Variants in MVB12A observed in about 807,000 individuals in gnomAD.
MVB12A encodes the protein multivesicular body subunit 12A.
In MVB12A, 30 loss-of-function variants were observed where a neutral mutation model predicts 34.3. That is an observed-to-expected ratio of 0.88 (90% CI 0.65 to 1.19). The LOEUF is 1.19. Ranked by LOEUF, MVB12A falls within the 50% of genes most tolerant of loss-of-function variation. MVB12A has a pLI of 0.00. For synonymous variants in MVB12A, 158 were observed against 158.9 expected (o/e 0.99, Z 0.04); for missense variants, 355 against 369.2 (o/e 0.96, Z 0.31).
intron 2 of MVB12A, among the ~76,000 whole-genome samples, chr19:17,413,675 A>T (rs2074782744): frequency 6.6e-6 from 1 of 152,154 alleles, no homozygotes; most frequent in South Asian, 2.1e-4. Flanking sequence ...GCATGACTGC[A>T]CACCTGCCTG....
intron 2 of MVB12A, among the ~76,000 whole-genome samples, chr19:17,412,936 G>A (rs1313986109): frequency 6.6e-6 from 1 of 152,070 alleles, no homozygotes; most frequent in Non-Finnish European, 1.5e-5. Flanking sequence ...GTGGACAAGG[G>A]GTCACATAGA....
chr19:17,410,202 G>C (rs905641115), intron 2 of MVB12A, among the ~76,000 whole-genome samples: 5 of 151,310 alleles, frequency 3.3e-5, no homozygotes, highest in African/African-American at 1.2e-4. Context: ...ACAGAATCTT[G>C]TCCTGTTGCC....
chr19:17,416,232 C>T (rs1289789068), upstream of MVB12A, among the ~76,000 whole-genome samples: 1 of 80,020 alleles, frequency 1.2e-5, no homozygotes, highest in Non-Finnish European at 2.1e-5. Context: ...CAGGCGCATG[C>T]CACTGAGTAG....
In MVB12A at chr19:17,420,324, C is replaced by T. The variant is rs762965710; in HGVS notation, c.102C>T (p.Thr34=). The change falls in exon 2 of 9, where the codon ACC becomes ACT. Residue 34 remains threonine (T), a synonymous_variant. Coordinates refer to ENST00000317040, the MANE Select transcript of MVB12A (RefSeq NM_138401.4). The stretch of plus-strand genomic sequence containing the variant: ...CGTCCTCCCGGTAGATCTCCTGCAC[C>T]GTCGAGGGGGCACCCGCCAGCTTTG... ...PPRGFSAISC[T]VEGAPASFGK... is the part of the protein sequence containing the mutation. 10 of 1,610,402 alleles carry T rather than the reference C, an allele frequency of 6.2e-6. No individual in the cohort carries two copies. The highest frequency in any genetic ancestry group is 5.5e-5 in the South Asian group (5 of 90,886).
intron 2 of MVB12A, among the ~76,000 whole-genome samples, chr19:17,410,518 A>ATATATATATG (rs1268773616): frequency 7.6e-5 from 9 of 118,326 alleles, no homozygotes; most frequent in Non-Finnish European, 1.4e-4. Context: ...ATATATATAT[A>ATATATATATG]TATATATATA....
At chr19:17,412,098 A>C (rs1267166976) in intron 2 of MVB12A, among the ~76,000 whole-genome samples, 1 of 152,216 alleles carries the variant, frequency 6.6e-6, no homozygotes, top group African/African-American at 2.4e-5. Flanking sequence ...GGCCCCCCAC[A>C]GTAAATGATC....
At chr19:17,420,440 A>G in intron 2 of MVB12A, 29 bp downstream of exon 2, 1 of 1,609,176 alleles carries the variant, frequency 6.2e-7, no homozygotes, top group Non-Finnish European at 8.5e-7. Flanking sequence ...CGGAACCACC[A>G]GGGTCTGCCC....
chr19:17,421,067 C>G (rs746163636), intron 3 of MVB12A: 4 of 462,262 alleles, frequency 8.7e-6, no homozygotes, highest in South Asian at 3.1e-5. Context: ...TACCCCTCCT[C>G]TTCTGGGCCC....
In MVB12A at chr19:17,423,687, C is replaced by T. The variant is rs1370410015; in HGVS notation, c.534-6C>T. 1 of 1,613,656 alleles carries T rather than the reference C, an allele frequency of 6.2e-7. No homozygotes were observed. Among genetic ancestry groups the T allele is most frequent in the African/African-American group, 1.3e-5 (1 of 74,926 alleles). On this transcript the variant is annotated splice_polypyrimidine_tract_variant and splice_region_variant and intron_variant, in intron 5 of 8. Transcript: ENST00000317040. ...TGAGGCTTAACCTGAGTCATCCCACCTCCAGTAAGGGCGGCCTCCTGGAGC... is the reference window on the plus strand; with the variant it reads ...TGAGGCTTAACCTGAGTCATCCCACTTCCAGTAAGGGCGGCCTCCTGGAGC...
At position 17,424,950 on chromosome 19, in the gene MVB12A, TGGA is replaced by T. The variant is rs745487953; in HGVS notation, c.781_783del (p.Glu261del). ...CCCCAGTATAACTACGGCTTCGTGG[TGGA>T]GAAGACCGCGGCTGCCCGCCTGCCC... On this transcript the variant is annotated inframe_deletion, in exon 9 of 9. Transcript: ENST00000317040. 3.7e-6 allele frequency: 6 copies of T among 1,609,996 alleles called. No homozygotes were observed. In the South Asian group the frequency reaches 5.5e-5, roughly 15 times the overall value.
chr19:17,416,573 G>C (rs2074801125), upstream of MVB12A, among the ~76,000 whole-genome samples: 1 of 151,798 alleles, frequency 6.6e-6, no homozygotes, highest in Admixed American at 6.6e-5. Flanking sequence ...CTGCCACCAA[G>C]CCTGGCTAAT....
chr19:17,411,863 C>T (rs547018219), intron 2 of MVB12A, among the ~76,000 whole-genome samples: 1 of 152,284 alleles, frequency 6.6e-6, no homozygotes, highest in South Asian at 2.1e-4. Context: ...CTGTTTATTA[C>T]ACTACATGCA....
chr19:17,424,849 A>G (rs4808637), intron 8 of MVB12A, 82 bp from the exon 9 acceptor site: 113,917 of 1,163,778 alleles, frequency 0.098, 6,936 homozygotes, highest in South Asian at 0.21. Context: ...CTAAGTACCC[A>G]CTCTGCCATT....
intron 8 of MVB12A, 51 bp from the exon 9 acceptor site, chr19:17,424,880 G>T (rs2074860759): frequency 1.4e-6 from 2 of 1,414,126 alleles, no homozygotes; most frequent in Non-Finnish European, 2.0e-6. Flanking sequence ...TCCCCCTTTG[G>T]CCCTCTCTTT....
intron 2 of MVB12A, among the ~76,000 whole-genome samples, chr19:17,410,529 TACACAC>T (rs1185077317): frequency 3.0e-4 from 22 of 74,366 alleles, no homozygotes; most frequent in African/African-American, 4.6e-4. Flanking sequence ...TATATATATA[TACACAC>T]ACACATATAT....
intron 7 of MVB12A, 85 bp from the exon 8 acceptor site, chr19:17,424,536 G>T: frequency 7.3e-7 from 1 of 1,365,694 alleles, no homozygotes; most frequent in East Asian, 2.4e-5. Flanking sequence ...GGAGTGTTGG[G>T]GGGAGGGCAG....
At chr19:17,413,324 C>G (rs1377157193) in intron 2 of MVB12A, 1 of 152,448 alleles carries the variant, frequency 6.6e-6, no homozygotes, top group African/African-American at 2.4e-5. Context: ...CCCCCCACCC[C>G]TCACCTCAAC....
intron 2 of MVB12A, among the ~76,000 whole-genome samples, chr19:17,412,506 T>A (rs1568388130): frequency 6.6e-6 from 1 of 151,852 alleles, no homozygotes; most frequent in South Asian, 2.1e-4. Context: ...GCTTCAAGTG[T>A]TCCACCCGCC....
chr19:17,409,482 CTT>C (rs990695357), intron 2 of MVB12A, among the ~76,000 whole-genome samples: 11 of 106,298 alleles, frequency 1.0e-4, no homozygotes, highest in South Asian at 3.2e-4. Flanking sequence ...GAATTTCACT[CTT>C]GTTACCCAGG....
Sources: gnomAD v4.1 joint callset for allele counts (sites outside exome capture counted in the v4.1 genomes callset) on GRCh38, gnomAD v4.1.1 for gene constraint, MANE v1.5 for transcripts, NCBI Gene and HGNC (gene_info 2026-07-23, HGNC 2026-07-21) for gene names.